Variants in AMZ1 observed in about 807,000 individuals in gnomAD.
AMZ1 encodes archaelysin family metallopeptidase 1.
AMZ1 carries 39 observed loss-of-function variants against 29.9 expected under a neutral mutation model. That is an observed-to-expected ratio of 1.30 (90% confidence interval 1.01 to 1.70). The LOEUF (loss-of-function observed/expected upper bound fraction) is 1.70, where lower values mean the gene tolerates loss of function less well. Among genes scored for constraint, AMZ1 ranks in the 40% most tolerant of loss-of-function variants. The pLI is 0.00. For missense variants in AMZ1, 1,041 were observed against 680.6 expected (o/e 1.53, Z -5.89); for synonymous variants, 458 against 304.0 (o/e 1.51, Z -5.27).
intron 4 of AMZ1, among the ~76,000 whole-genome samples, chr7:2,741,829 C>T (rs1272718387): frequency 1.3e-5 from 2 of 150,580 alleles, no homozygotes; most frequent in African/African-American, 2.5e-5. Flanking sequence ...CAGGAGAACG[C>T]CGCAAGGATA....
intron 4 of AMZ1, among the ~76,000 whole-genome samples, chr7:2,727,044 TAAAA>T (rs1035475372): frequency 6.6e-6 from 1 of 152,178 alleles, no homozygotes; most frequent in Non-Finnish European, 1.5e-5. Context: ...GCTTTAAAAA[TAAAA>T]AGTGTTTTGA....
At chr7:2,740,773 G>A (rs773528748) in intron 4 of AMZ1, among the ~76,000 whole-genome samples, 15 of 152,110 alleles carry the variant, frequency 9.9e-5, no homozygotes, top group East Asian at 7.7e-4. Flanking sequence ...GGCTCGCCGC[G>A]GTGACTCATG....
upstream of AMZ1, among the ~76,000 whole-genome samples, chr7:2,686,284 A>G (rs1295961480): frequency 1.3e-5 from 2 of 152,178 alleles, no homozygotes; most frequent in Admixed American, 1.3e-4. Flanking sequence ...TGTGATCTCA[A>G]CATTTTGGGA....
At chr7:2,691,019 T>C (rs11981848) in intron 1 of AMZ1, among the ~76,000 whole-genome samples, 30,015 of 149,448 alleles carry the variant, frequency 0.2, 4,463 homozygotes, top group African/African-American at 0.4. Flanking sequence ...CATGCGTCTG[T>C]AGTCCCAGCT....
At chr7:2,680,927 C>G (rs148837703) in intron 1 of AMZ1, among the ~76,000 whole-genome samples, 51 of 152,204 alleles carry the variant, frequency 3.4e-4, no homozygotes, top group African/African-American at 1.2e-3. Flanking sequence ...GGCCAAGTCA[C>G]CAGACACCAG....
intron 6 of AMZ1, among the ~76,000 whole-genome samples, chr7:2,711,204 C>T (rs1788753569): frequency 6.6e-6 from 1 of 152,184 alleles, no homozygotes; most frequent in African/African-American, 2.4e-5. Flanking sequence ...TGGCCTGGCC[C>T]TCCTGGCTGT....
intron 4 of AMZ1, among the ~76,000 whole-genome samples, chr7:2,748,714 T>A (rs529425759): frequency 1.3e-5 from 2 of 152,222 alleles, no homozygotes; most frequent in Non-Finnish European, 2.9e-5. Context: ...ACCATCAGCA[T>A]GAACAGGCAA....
chr7:2,764,433 G>T (rs1791717147), upstream of AMZ1, among the ~76,000 whole-genome samples: 2 of 152,104 alleles, frequency 1.3e-5, no homozygotes, highest in African/African-American at 4.8e-5. Context: ...CTGACCAGAG[G>T]AGAGTTGAGA....
At chr7:2,762,712 AG>A, upstream of AMZ1, 10 of 1,564,642 alleles carry the variant, frequency 6.4e-6, no homozygotes, top group Non-Finnish European at 8.6e-6. Flanking sequence ...GGAGCGCCAG[AG>A]GGAAGCAGGC....
intron 4 of AMZ1, among the ~76,000 whole-genome samples, chr7:2,756,301 A>T (rs1274588497): frequency 6.6e-6 from 1 of 152,228 alleles, no homozygotes; most frequent in African/African-American, 2.4e-5. Context: ...AAGGACATTG[A>T]TTCTAACTAT....
At chr7:2,742,484 TATCTC>T (rs1790558316) in intron 4 of AMZ1, among the ~76,000 whole-genome samples, 1 of 152,234 alleles carries the variant, frequency 6.6e-6, no homozygotes, top group Non-Finnish European at 1.5e-5. Flanking sequence ...TGCTCCTGTT[TATCTC>T]ATCGCTGTCC....
intron 4 of AMZ1, among the ~76,000 whole-genome samples, chr7:2,735,834 T>A (rs957202255): frequency 6.6e-6 from 1 of 152,136 alleles, no homozygotes; most frequent in Non-Finnish European, 1.5e-5. Context: ...GTGGGAAAGC[T>A]GCCACTGAAC....
At chr7:2,703,407 C>G (rs1208359225) in intron 3 of AMZ1, among the ~76,000 whole-genome samples, 1 of 152,200 alleles carries the variant, frequency 6.6e-6, no homozygotes, top group Non-Finnish European at 1.5e-5. Context: ...TCCCAAAGTG[C>G]TGGGATGACA....
At chr7:2,682,475 G>A (rs1028093190) in intron 1 of AMZ1, among the ~76,000 whole-genome samples, 23 of 152,320 alleles carry the variant, frequency 1.5e-4, no homozygotes, top group Middle Eastern at 3.4e-3. Flanking sequence ...GGAGGCCTGG[G>A]GAAACGGAGG....
At chr7:2,763,712 C>CA (rs550601151), upstream of AMZ1, among the ~76,000 whole-genome samples, 49 of 152,300 alleles carry the variant, frequency 3.2e-4, no homozygotes, top group African/African-American at 9.9e-4. Flanking sequence ...TCCAGGAAAC[C>CA]AAAGCTTCTT....
upstream of AMZ1, among the ~76,000 whole-genome samples, chr7:2,687,646 C>G (rs892705640): frequency 6.2e-4 from 94 of 152,216 alleles, 1 homozygote; most frequent in African/African-American, 2.2e-3. Flanking sequence ...GCAGGGCGCC[C>G]GTCCTCAGGG....
upstream of AMZ1, among the ~76,000 whole-genome samples, chr7:2,686,010 T>C (rs1457834525): frequency 6.6e-6 from 1 of 152,046 alleles, no homozygotes; most frequent in Non-Finnish European, 1.5e-5. Context: ...TATCCCAAGG[T>C]GAGGGGGACC....
rs1331237606 is a variant in AMZ1 at position 2,701,571 on chromosome 7, G to C, written c.304+816G>C. Among the ~76,000 whole-genome samples the C allele has an allele frequency of 4.6e-5, 7 of 152,322 alleles. No individual in the cohort carries two copies. In the East Asian group the frequency reaches 1.4e-3, roughly 29 times the overall value. Reference sequence around the variant, plus strand: ...TCAGAAGGGAACGGCCCAGGCAGGTGCGGGGAGCGCGAGGGGCAGGGCCAG... The same window carrying C: ...TCAGAAGGGAACGGCCCAGGCAGGTCCGGGGAGCGCGAGGGGCAGGGCCAG... On this transcript the variant is annotated intron_variant, in intron 2 of 6. Transcript: ENST00000683327.
At chr7:2,757,341 A>T (rs1562409790) in intron 4 of AMZ1, among the ~76,000 whole-genome samples, 1 of 152,072 alleles carries the variant, frequency 6.6e-6, no homozygotes. Context: ...TCGCCATGTC[A>T]GGTGGGCCTT....
Sources: allele counts gnomAD v4.1 joint callset (sites outside exome capture counted in the v4.1 genomes callset), GRCh38; gene constraint gnomAD v4.1.1; transcripts MANE v1.5; gene names NCBI Gene and HGNC (gene_info 2026-07-23, HGNC 2026-07-21).